The following SLC16A7 variants were observed in gnomAD, a reference collection of about 807,000 sequenced individuals.
The protein encoded by SLC16A7 is solute carrier family 16 member 7.
In SLC16A7, 33 loss-of-function variants were observed where a neutral mutation model predicts 34.9. The ratio of observed to expected loss-of-function variants is 0.94; its 90% CI spans 0.72 to 1.26. SLC16A7 has a LOEUF of 1.26. Among genes scored for constraint, SLC16A7 ranks in the 50% most tolerant of loss-of-function variants. The pLI is 0.00. For synonymous variants in SLC16A7, 201 were observed against 206.6 expected (o/e 0.97, Z 0.23); for missense variants, 573 against 578.1 (o/e 0.99, Z 0.09).
chr12:59,684,006 G>C (rs776944006), intron 2 of SLC16A7, among the ~76,000 whole-genome samples: 33 of 152,196 alleles, frequency 2.2e-4, no homozygotes, highest in Non-Finnish European at 4.1e-4. Context: ...AATTTATTCA[G>C]TCAGAATTTA....
chr12:59,729,991 T>C (rs1876744024), intron 3 of SLC16A7, among the ~76,000 whole-genome samples: 1 of 152,162 alleles, frequency 6.6e-6, no homozygotes, highest in Non-Finnish European at 1.5e-5. Context: ...GTCTGCAAGC[T>C]TTCACATTTG....
chr12:59,753,112 A>G (rs1057073243), intron 3 of SLC16A7, among the ~76,000 whole-genome samples: 2 of 152,202 alleles, frequency 1.3e-5, no homozygotes, highest in African/African-American at 2.4e-5. Flanking sequence ...GAAGCACTAA[A>G]CCTGGAAAGG....
At chr12:59,775,497 G>A (rs1200378549) in intron 5 of SLC16A7, 22 bp downstream of exon 5, 1 of 1,565,538 alleles carries the variant, frequency 6.4e-7, no homozygotes, top group Admixed American at 1.7e-5. Context: ...TTTCATCAAG[G>A]AAAATGTAAA....
intron 1 of SLC16A7, among the ~76,000 whole-genome samples, chr12:59,615,469 TG>T (rs769861704): frequency 1.1e-3 from 166 of 152,336 alleles, no homozygotes; most frequent in African/African-American, 3.7e-3. Context: ...TTTTACCTTT[TG>T]TTTTTTTTAC....
In SLC16A7 at chr12:59,671,983, GTA is replaced by G. The variant is rs1420991408; in HGVS notation, c.-31+16741_-31+16742del. On this transcript the variant is annotated intron_variant, in intron 2 of 5. Transcript: ENST00000547379. Reference sequence around the variant, plus strand: ...TATATGTGTATATATCCATATATCCGTATATATATGTGTATATATCCATATAT... The same window carrying G: ...TATATGTGTATATATCCATATATCCGTATATATGTGTATATATCCATATAT... Among the ~76,000 whole-genome samples, 17 of 13,420 alleles carry G rather than the reference GTA, an allele frequency of 1.3e-3. 3 individuals are homozygous for G. The highest frequency in any genetic ancestry group is 4.8e-3 in the African/African-American group (14 of 2,896). 8.8% of individuals were successfully genotyped at this position (13,420 alleles called of 152,430 possible). A position where few individuals can be genotyped will look rare whatever the true frequency, so the allele number is the denominator to read the frequency against.
Position 59,776,133 on chromosome 12 carries a change from T to A in SLC16A7, c.1180+658T>A, listed in dbSNP as rs981760661. Among the ~76,000 whole-genome samples the A allele has an allele frequency of 3.0e-4, 46 of 152,196 alleles. 1 individual carries two copies. The highest frequency in any genetic ancestry group is 1.1e-3 in the African/African-American group (44 of 41,552). ...TGCCAATAAAAGTGTCTGTGCTAAA[T>A]TATTCAGTAAAAAGATGCAGTACAT... On this transcript the variant is annotated intron_variant, in intron 5 of 5. Transcript: ENST00000547379.
intron 2 of SLC16A7, among the ~76,000 whole-genome samples, chr12:59,668,576 T>G (rs978221431): frequency 6.6e-6 from 1 of 152,206 alleles, no homozygotes; most frequent in African/African-American, 2.4e-5. Context: ...AGGAACTAAC[T>G]TGCTTTTGAT....
rs1364516001 is a variant in SLC16A7, at chr12:59,786,488, TATC to T, written c.*6814_*6816del. ...AATGGTACGATGGATTTTATTTTTC[TATC>T]ATCAACTTTCTATATTTAACTAAAG... On this transcript the variant is annotated 3_prime_UTR_variant, in exon 6 of 6. Transcript: ENST00000547379. 5.9e-5 allele frequency: 9 copies of T among 152,144 alleles called. No individual in the cohort carries two copies. Among genetic ancestry groups the T allele is most frequent in the African/African-American group, 1.7e-4 (7 of 41,452 alleles). 9.4% of individuals were successfully genotyped at this position (152,144 alleles called of 1,614,324 possible).
At chr12:59,682,897 T>A (rs767564472) in intron 2 of SLC16A7, among the ~76,000 whole-genome samples, 5 of 152,120 alleles carry the variant, frequency 3.3e-5, no homozygotes, top group Non-Finnish European at 7.4e-5. Context: ...GGAAACCCTG[T>A]CTCTACTAAA....
chr12:59,621,217 A>T (rs1203855967), intron 1 of SLC16A7, among the ~76,000 whole-genome samples: 1 of 151,800 alleles, frequency 6.6e-6, no homozygotes, highest in Non-Finnish European at 1.5e-5. Flanking sequence ...CTGATTATTG[A>T]TTGTAGAAAT....
Position 59,606,245 on chromosome 12 carries a change from T to C in SLC16A7, c.-130+10009T>C, listed in dbSNP as rs536212315. The stretch of plus-strand genomic sequence containing the variant: ...ATATGAGGAGATTCAAGTGCTGATA[T>C]TGATGCTGCAAAAATGTTTAAGTGG... On this transcript the variant is annotated intron_variant, in intron 1 of 5. Coordinates refer to ENST00000547379, the MANE Select transcript of SLC16A7 (RefSeq NM_001270623.2). 2.6e-5 allele frequency among the ~76,000 whole-genome samples: 4 copies of C among 152,332 alleles called. No homozygotes were observed. In the South Asian group the frequency reaches 8.3e-4, roughly 32 times the overall value.
intron 3 of SLC16A7, among the ~76,000 whole-genome samples, chr12:59,756,318 CA>C (rs1331518441): frequency 6.6e-6 from 1 of 152,080 alleles, no homozygotes; most frequent in Non-Finnish European, 1.5e-5. Context: ...AGTGAACAGG[CA>C]ACCTACAAAA....
chr12:59,663,922 T>G (rs1282465359), intron 2 of SLC16A7, among the ~76,000 whole-genome samples: 1 of 152,054 alleles, frequency 6.6e-6, no homozygotes, highest in African/African-American at 2.4e-5. Context: ...GGGAAGCATA[T>G]TTTACAAGTG....
At position 59,693,103 on chromosome 12, in the gene SLC16A7, A is replaced by T. The variant is rs146411626; in HGVS notation, c.-30-11669A>T. Among the ~76,000 whole-genome samples the T allele has an allele frequency of 2.3e-4, 35 of 152,134 alleles. No individual in the cohort carries two copies. In the East Asian group the frequency reaches 6.2e-3, roughly 27 times the overall value. On this transcript the variant is annotated intron_variant, in intron 2 of 5. Coordinates refer to ENST00000547379, the MANE Select transcript of SLC16A7 (RefSeq NM_001270623.2). ...AAACATAATATAATATAACTTATAA[A>T]CACTTTATAAGTAGGATGTAGAGAA...
At chr12:59,637,825 C>T (rs192191707) in intron 1 of SLC16A7, among the ~76,000 whole-genome samples, 16 of 152,208 alleles carry the variant, frequency 1.1e-4, no homozygotes, top group Admixed American at 1.0e-3. Flanking sequence ...TGGATTAATG[C>T]CTTTATCATG....
At chr12:59,661,250 G>T (rs1868835339) in intron 2 of SLC16A7, among the ~76,000 whole-genome samples, 1 of 152,016 alleles carries the variant, frequency 6.6e-6, no homozygotes, top group Admixed American at 6.6e-5. Context: ...ATTGGAGGCT[G>T]GGATAACAAT....
intron 2 of SLC16A7, among the ~76,000 whole-genome samples, chr12:59,663,951 G>T (rs1343232083): frequency 2.6e-5 from 4 of 151,948 alleles, no homozygotes; most frequent in African/African-American, 7.3e-5. Context: ...TTAGTGCTTA[G>T]ATCTAAATAA....
intron 3 of SLC16A7, among the ~76,000 whole-genome samples, chr12:59,720,401 T>G (rs1454651671): frequency 6.6e-6 from 1 of 152,130 alleles, no homozygotes; most frequent in East Asian, 1.9e-4. Context: ...TAGGGTAAAC[T>G]TCTTGTATCA....
At chr12:59,626,098 T>A (rs1879917296) in intron 1 of SLC16A7, among the ~76,000 whole-genome samples, 1 of 151,784 alleles carries the variant, frequency 6.6e-6, no homozygotes, top group Non-Finnish European at 1.5e-5. Flanking sequence ...AAAGAATATA[T>A]CAGTAGGTAC....
Sources: gnomAD v4.1 joint callset for allele counts (sites outside exome capture counted in the v4.1 genomes callset) on GRCh38, gnomAD v4.1.1 for gene constraint, MANE v1.5 for transcripts, NCBI Gene and HGNC (gene_info 2026-07-23, HGNC 2026-07-21) for gene names.